Variants in KCNH1 observed in about 807,000 individuals in gnomAD.
The protein encoded by KCNH1 is potassium voltage-gated channel subfamily H member 1, also known as voltage-gated delayed rectifier potassium channel KCNH1.
KCNH1 carries 27 observed loss-of-function variants against 69.2 expected under a neutral mutation model. That is an observed-to-expected ratio of 0.39 (90% CI 0.29 to 0.54). KCNH1 has a LOEUF of 0.54. Among genes scored for constraint, KCNH1 ranks in the 20% least tolerant of loss-of-function variants. The pLI is 0.68. For missense variants in KCNH1, 798 were observed against 1,261.6 expected (o/e 0.63, Z 5.57); for synonymous variants, 456 against 487.7 (o/e 0.93, Z 0.86).
At chr1:210,755,890 C>T (rs888222307) in intron 10 of KCNH1, among the ~76,000 whole-genome samples, 1 of 152,216 alleles carries the variant, frequency 6.6e-6, no homozygotes, top group Non-Finnish European at 1.5e-5. Flanking sequence ...AAAAGCAGCA[C>T]TATTCATACA....
intron 6 of KCNH1, among the ~76,000 whole-genome samples, chr1:210,994,863 A>G (rs1688999131): frequency 6.6e-6 from 1 of 152,230 alleles, no homozygotes; most frequent in Non-Finnish European, 1.5e-5. Flanking sequence ...TGGGCAGATG[A>G]AAACCTTTCT....
At chr1:211,084,731 C>T (rs922745133) in intron 4 of KCNH1, among the ~76,000 whole-genome samples, 2 of 152,178 alleles carry the variant, frequency 1.3e-5, no homozygotes, top group Non-Finnish European at 2.9e-5. Context: ...TAAGTTTTCG[C>T]CCAAGTTCCC....
At chr1:210,927,010 C>T (rs1279432606) in intron 6 of KCNH1, among the ~76,000 whole-genome samples, 1 of 152,010 alleles carries the variant, frequency 6.6e-6, no homozygotes, top group Non-Finnish European at 1.5e-5. Context: ...CCCAATCCAA[C>T]AAAAACAAAG....
chr1:210,735,421 AGTGTGTGTGTGTGTGTGTGT>A (rs71146244), intron 10 of KCNH1, among the ~76,000 whole-genome samples: 19 of 132,098 alleles, frequency 1.4e-4, no homozygotes, highest in South Asian at 7.5e-4. Context: ...TGAGTGAGTG[AGTGTGTGTGTGTGTGTGTGT>A]GTGTGTGTGT....
chr1:211,049,296 G>A (rs1470551062), intron 5 of KCNH1, among the ~76,000 whole-genome samples: 1 of 152,200 alleles, frequency 6.6e-6, no homozygotes. Flanking sequence ...GGTCAGAAAA[G>A]GCTTAGATTT....
At chr1:210,968,377 A>G (rs906438707) in intron 6 of KCNH1, among the ~76,000 whole-genome samples, 3 of 138,820 alleles carry the variant, frequency 2.2e-5, no homozygotes, top group African/African-American at 8.5e-5. Context: ...CTTTGGGTAT[A>G]TACCCAGTAA....
chr1:211,124,028 G>A (rs1194536318), intron 1 of KCNH1, among the ~76,000 whole-genome samples: 2 of 152,122 alleles, frequency 1.3e-5, no homozygotes, highest in African/African-American at 4.8e-5. Flanking sequence ...CCAGCCAGGT[G>A]GGAAAGCATA....
At chr1:210,749,976 C>A (rs1014493687) in intron 10 of KCNH1, among the ~76,000 whole-genome samples, 8 of 152,164 alleles carry the variant, frequency 5.3e-5, no homozygotes, top group Non-Finnish European at 1.2e-4. Flanking sequence ...CTCCTGATCT[C>A]AGGTGATCTG....
intron 10 of KCNH1, among the ~76,000 whole-genome samples, chr1:210,701,541 CTGT>C (rs1681781253): frequency 1.3e-5 from 2 of 152,272 alleles, no homozygotes; most frequent in African/African-American, 4.8e-5. Flanking sequence ...TGAATTTTGG[CTGT>C]TATTTATTAG....
Position 210,970,379 on chromosome 1 carries a change from G to A in KCNH1, c.1032+48404C>T, listed in dbSNP as rs974533022. Among the ~76,000 whole-genome samples the A allele has an allele frequency of 4.6e-5, 7 of 151,646 alleles. No homozygotes were observed. In the South Asian group the frequency reaches 6.3e-4, roughly 14 times the overall value. On this transcript the variant is annotated intron_variant, in intron 6 of 10. Transcript: ENST00000271751. ...AACATGTGGTGTTTGTTTCCTGTTC[G>A]TGTTTAGTTTCCCATTCCTGTGTGG...
intron 3 of KCNH1, among the ~76,000 whole-genome samples, chr1:211,095,029 T>C (rs1470545818): frequency 6.6e-6 from 1 of 152,222 alleles, no homozygotes. Flanking sequence ...TTTGGCTCCA[T>C]TCAGACACTG....
intron 7 of KCNH1, chr1:210,860,895 G>C: frequency 1.1e-6 from 1 of 930,454 alleles, no homozygotes; most frequent in Non-Finnish European, 1.8e-6. Flanking sequence ...TGAAGAGAGA[G>C]AACACATGAT....
intron 7 of KCNH1, among the ~76,000 whole-genome samples, chr1:210,839,015 C>T (rs1685349498): frequency 6.6e-6 from 1 of 152,082 alleles, no homozygotes; most frequent in Admixed American, 6.6e-5. Context: ...TCCTCAAAGA[C>T]CTAGAGGCAG....
At chr1:210,995,256 C>G (rs1042840289) in intron 6 of KCNH1, among the ~76,000 whole-genome samples, 1 of 152,160 alleles carries the variant, frequency 6.6e-6, no homozygotes, top group Non-Finnish European at 1.5e-5. Context: ...TTTTGCCATT[C>G]TTCCTTTTTT....
At chr1:211,126,546 A>G (rs1032324263) in intron 1 of KCNH1, among the ~76,000 whole-genome samples, 1 of 150,040 alleles carries the variant, frequency 6.7e-6, no homozygotes, top group Non-Finnish European at 1.5e-5. Context: ...GTGGTGGCAC[A>G]TGCCTGTAGT....
chr1:210,846,126 A>C (rs1168533518), intron 7 of KCNH1, among the ~76,000 whole-genome samples: 2 of 152,234 alleles, frequency 1.3e-5, no homozygotes, highest in Non-Finnish European at 2.9e-5. Context: ...TGTAGGAAGA[A>C]TCAATATCAT....
rs544081319 is a variant in KCNH1, at chr1:211,118,008, C to T, written c.80-10631G>A. Among the ~76,000 whole-genome samples the T allele has an allele frequency of 8.5e-5, 13 of 152,250 alleles. No individual in the cohort carries two copies. The South Asian group carries it at 2.5e-3, about 29-fold the overall frequency. ...GCAGAAACACCCTCTAAATGTAATACCCTAATTCCAGGTGAACCATGTTGT... is the reference window on the plus strand; with the variant it reads ...GCAGAAACACCCTCTAAATGTAATATCCTAATTCCAGGTGAACCATGTTGT... On this transcript the variant is annotated intron_variant, in intron 1 of 10. Transcript: ENST00000271751.
chr1:210,963,413 GA>G (rs1350284500), intron 6 of KCNH1, among the ~76,000 whole-genome samples: 2 of 152,014 alleles, frequency 1.3e-5, no homozygotes, highest in Admixed American at 1.3e-4. Context: ...ACCAGCGAGG[GA>G]ACAAAACTGG....
intron 6 of KCNH1, among the ~76,000 whole-genome samples, chr1:210,965,909 A>G (rs1048564248): frequency 6.6e-6 from 1 of 152,200 alleles, no homozygotes. Context: ...GAACCAAAAA[A>G]GAGTCCACAT....
Sources: allele counts gnomAD v4.1 joint callset (sites outside exome capture counted in the v4.1 genomes callset), GRCh38; gene constraint gnomAD v4.1.1; transcripts MANE v1.5; gene names NCBI Gene and HGNC (gene_info 2026-07-23, HGNC 2026-07-21).